Variants in VPS13A observed in about 807,000 individuals in gnomAD.
VPS13A encodes the protein vacuolar protein sorting 13 homolog A.
A neutral mutation model predicts 390.9 loss-of-function variants in VPS13A; 264 were observed. The observed-to-expected ratio is 0.68, with a 90% CI of 0.61 to 0.75. The LOEUF (loss-of-function observed/expected upper bound fraction) is 0.75. Ranked by LOEUF, VPS13A falls within the 30% of genes least tolerant of loss-of-function variation. The pLI, the probability that VPS13A is intolerant of heterozygous loss-of-function variation, is 0.00. For synonymous variants in VPS13A, 1,231 were observed against 1,227.1 expected (o/e 1.00, Z -0.07); for missense variants, 3,409 against 3,733.9 (o/e 0.91, Z 2.27).
At chr9:77,331,659 A>G (rs767983243) in intron 45 of VPS13A, among the ~76,000 whole-genome samples, 18 of 151,880 alleles carry the variant, frequency 1.2e-4, no homozygotes, top group Non-Finnish European at 2.5e-4. Context: ...TTATCATATA[A>G]ATATTTAAAA....
rs776345066 is a variant in VPS13A at position 77,332,046 on chromosome 9, G to A, written c.6028G>A (p.Glu2010Lys). The change falls in exon 46 of 72, where the codon GAA (glutamate) becomes AAA (lysine). Residue 2010 changes from glutamate to lysine, a missense_variant. Physicochemically the swap from Glu to Lys is moderately conservative, Grantham distance 56. Around this residue, in one of 5 missense-constraint regions of VPS13A, gnomAD observed 2,717 missense variants for 2,917.4 expected, o/e 0.93. Coordinates refer to ENST00000360280, the MANE Select transcript of VPS13A (RefSeq NM_033305.3). ...NHFSVPLSVY[E>K]GDTLLGTASP... ...TTTTTCAGTCCCACTGTCTGTTTAC[G>A]AAGGGGATACCTTATTGGGAACTGC... 6.8e-6 allele frequency: 11 copies of A among 1,611,470 alleles called. No individual in the cohort carries two copies. Among genetic ancestry groups the A allele is most frequent in the Admixed American group, 6.7e-5 (4 of 59,958 alleles).
chr9:77,307,130 C>A (rs1390831656), intron 34 of VPS13A, among the ~76,000 whole-genome samples: 1 of 152,036 alleles, frequency 6.6e-6, no homozygotes, highest in Non-Finnish European at 1.5e-5. Context: ...TCTCTTAACT[C>A]CTGGCCTCAA....
chr9:77,406,962 T>C (rs186148231), intron 70 of VPS13A, among the ~76,000 whole-genome samples: 2 of 152,226 alleles, frequency 1.3e-5, no homozygotes, highest in East Asian at 3.9e-4. Context: ...ATACTAAACA[T>C]AATACCAACG....
At chr9:77,350,752 T>C (rs1831417191) in intron 52 of VPS13A, among the ~76,000 whole-genome samples, 1 of 152,182 alleles carries the variant, frequency 6.6e-6, no homozygotes, top group African/African-American at 2.4e-5. Context: ...TTATGTCTGA[T>C]ACCCAGTGAA....
At chr9:77,400,977 T>C (rs919508009) in intron 68 of VPS13A, among the ~76,000 whole-genome samples, 1 of 152,200 alleles carries the variant, frequency 6.6e-6, no homozygotes, top group African/African-American at 2.4e-5. Flanking sequence ...AAACGCCATT[T>C]ATTTGATAAT....
chr9:77,399,449 G>A (rs1834279061), intron 68 of VPS13A, among the ~76,000 whole-genome samples: 1 of 152,054 alleles, frequency 6.6e-6, no homozygotes, highest in Admixed American at 6.5e-5. Flanking sequence ...ATGAGAGGTA[G>A]GCTTAATTAC....
intron 45 of VPS13A, among the ~76,000 whole-genome samples, chr9:77,330,638 C>T (rs148088365): frequency 8.1e-4 from 124 of 152,192 alleles, no homozygotes; most frequent in African/African-American, 2.7e-3. Context: ...TGTTGGAAAA[C>T]TTGCAGTTAA....
intron 22 of VPS13A, among the ~76,000 whole-genome samples, chr9:77,259,382 A>C (rs1488884946): frequency 6.6e-6 from 1 of 152,210 alleles, no homozygotes; most frequent in African/African-American, 2.4e-5. Flanking sequence ...TTAATTACAA[A>C]TATTTAAGGT....
intron 5 of VPS13A, among the ~76,000 whole-genome samples, chr9:77,206,357 A>T (rs753369621): frequency 6.6e-6 from 1 of 150,592 alleles, no homozygotes; most frequent in Non-Finnish European, 1.5e-5. Context: ...ACACACACAC[A>T]TATACATACT....
chr9:77,308,379 A>C (rs945682100), intron 35 of VPS13A, among the ~76,000 whole-genome samples: 10 of 152,028 alleles, frequency 6.6e-5, no homozygotes, highest in Non-Finnish European at 1.3e-4. Flanking sequence ...GTTGTAACAA[A>C]ATTCCTCAGT....
chr9:77,318,654 T>C, intron 41 of VPS13A, 63 bp downstream of exon 41: 1 of 1,299,892 alleles, frequency 7.7e-7, no homozygotes, highest in South Asian at 1.2e-5. Context: ...TGACAGATAA[T>C]GATACATATG....
chr9:77,398,540 A>G (rs80222725), intron 68 of VPS13A, among the ~76,000 whole-genome samples: 2,802 of 152,302 alleles, frequency 0.018, 41 homozygotes, highest in Middle Eastern at 0.048. Flanking sequence ...TTTCCCCCCA[A>G]AAATGATGTT....
rs1160402774 is a variant in VPS13A, at chr9:77,340,107, A to G, written c.6775-71A>G. On this transcript the variant is annotated intron_variant, in intron 48 of 71. Transcript: ENST00000360280. ...TAATATTTTGTTTATGCTAAAAAGT[A>G]ATTTATCAGTTTAAGCAGGAATTTT... 4 of 1,455,708 alleles carry G rather than the reference A, an allele frequency of 2.7e-6. No individual in the cohort carries two copies. In the African/African-American group the frequency reaches 5.6e-5, roughly 20 times the overall value. 90.2% of individuals were successfully genotyped at this position (1,455,708 alleles called of 1,614,324 possible).
intron 31 of VPS13A, among the ~76,000 whole-genome samples, chr9:77,288,296 T>C (rs1827457615): frequency 1.3e-5 from 2 of 152,338 alleles, no homozygotes; most frequent in Non-Finnish European, 2.9e-5. Context: ...TATTTATTTA[T>C]GCTCTTTTAA....
At chr9:77,353,732 A>C (rs894508080) in intron 54 of VPS13A, 91 bp downstream of exon 54, 66 of 1,276,020 alleles carry the variant, frequency 5.2e-5, no homozygotes, top group Admixed American at 7.9e-5. Context: ...ATTTAGTTTC[A>C]GTTTTGTGCT....
intron 67 of VPS13A, among the ~76,000 whole-genome samples, chr9:77,373,698 C>CA (rs1319285971): frequency 6.6e-6 from 1 of 151,444 alleles, no homozygotes; most frequent in Non-Finnish European, 1.5e-5. Flanking sequence ...AGTGGACAGG[C>CA]AACCTACAAA....
intron 13 of VPS13A, among the ~76,000 whole-genome samples, chr9:77,222,974 C>G (rs917983394): frequency 6.6e-6 from 1 of 152,198 alleles, no homozygotes; most frequent in Non-Finnish European, 1.5e-5. Context: ...GAACACTAAG[C>G]TATAACCAAA....
At chr9:77,287,286 G>A (rs1306823860) in intron 31 of VPS13A, among the ~76,000 whole-genome samples, 1 of 148,828 alleles carries the variant, frequency 6.7e-6, no homozygotes, top group Non-Finnish European at 1.5e-5. Flanking sequence ...CTGCAGCCTC[G>A]ACCTTCCCTG....
In VPS13A at chr9:77,250,049, C is replaced by G. The variant is rs182379002; in HGVS notation, c.2038-48C>G. On this transcript the variant is annotated intron_variant, in intron 20 of 71. Transcript: ENST00000360280. ...CTAAAAATTAAACACTTTATACTTA[C>G]ATTTTGAAGTATTTTGCATAGTCTA... The G allele has an allele frequency of 2.5e-6, 4 of 1,598,284 alleles. No individual in the cohort carries two copies. The African/African-American group carries it at 4.0e-5, about 16-fold the overall frequency.
Sources: gnomAD v4.1 joint callset for allele counts (sites outside exome capture counted in the v4.1 genomes callset) on GRCh38, gnomAD v4.1.1 for gene constraint, gnomAD v4.1.1 regional missense constraint, MANE v1.5 for transcripts, NCBI Gene and HGNC (gene_info 2026-07-23, HGNC 2026-07-21) for gene names.